Variants in ZMAT4 observed in about 807,000 individuals in gnomAD.
ZMAT4 encodes the protein zinc finger matrin-type protein 4.
Under a neutral mutation model 28.7 loss-of-function variants are expected in ZMAT4, and 17 were observed. That is an observed-to-expected ratio of 0.59 (90% confidence interval 0.41 to 0.89). ZMAT4 has a LOEUF of 0.89. Among genes scored for constraint, ZMAT4 ranks in the 40% least tolerant of loss-of-function variants. The pLI is 0.00. For synonymous variants in ZMAT4, 117 were observed against 109.2 expected (o/e 1.07, Z -0.44); for missense variants, 240 against 283.8 (o/e 0.85, Z 1.11).
chr8:40,844,331 A>T (rs1563522101), intron 1 of ZMAT4, among the ~76,000 whole-genome samples: 1 of 152,158 alleles, frequency 6.6e-6, no homozygotes, highest in Non-Finnish European at 1.5e-5. Flanking sequence ...CACCTCCACC[A>T]ATGAGGATGG....
At chr8:40,593,944 A>T (rs1804996000) in intron 5 of ZMAT4, among the ~76,000 whole-genome samples, 1 of 152,206 alleles carries the variant, frequency 6.6e-6, no homozygotes, top group Non-Finnish European at 1.5e-5. Context: ...TGTTGGGTTA[A>T]GTCCTGGTTG....
chr8:40,711,289 A>C (rs1391590851), intron 3 of ZMAT4, among the ~76,000 whole-genome samples: 1 of 152,202 alleles, frequency 6.6e-6, no homozygotes, highest in African/African-American at 2.4e-5. Flanking sequence ...AAATTATTCC[A>C]ATTAATCAAT....
chr8:40,832,932 T>C (rs1586135935), intron 1 of ZMAT4, among the ~76,000 whole-genome samples: 1 of 152,200 alleles, frequency 6.6e-6, no homozygotes. Context: ...TTTGAGTTTT[T>C]ATTCCCTGAA....
At chr8:40,824,756 GAAAGAAAGA>G (rs1293788632) in intron 2 of ZMAT4, among the ~76,000 whole-genome samples, 2 of 150,740 alleles carry the variant, frequency 1.3e-5, no homozygotes, top group Non-Finnish European at 3.0e-5. Flanking sequence ...AAGAAAAAAA[GAAAGAAAGA>G]AAAGAAAGAA....
At chr8:40,784,663 A>G (rs1475550416) in intron 2 of ZMAT4, among the ~76,000 whole-genome samples, 3 of 152,150 alleles carry the variant, frequency 2.0e-5, no homozygotes, top group East Asian at 3.9e-4. Context: ...TAGACCCTTA[A>G]AACTCAGAGT....
chr8:40,605,745 A>G (rs1805557285), intron 5 of ZMAT4, among the ~76,000 whole-genome samples: 1 of 152,064 alleles, frequency 6.6e-6, no homozygotes, highest in South Asian at 2.1e-4. Context: ...TAACCTGTCA[A>G]GTGCTGTCAG....
chr8:40,674,364 T>C (rs1808818754), intron 5 of ZMAT4: 3 of 201,560 alleles, frequency 1.5e-5, no homozygotes, highest in Middle Eastern at 2.0e-3. Flanking sequence ...ATTCAGCATC[T>C]TTTTTTTCTT....
intron 3 of ZMAT4, among the ~76,000 whole-genome samples, chr8:40,732,988 G>GGC (rs1470700114): frequency 6.6e-6 from 1 of 151,826 alleles, no homozygotes; most frequent in Non-Finnish European, 1.5e-5. Context: ...TGGGTTGACA[G>GGC]GCACAGGCCA....
At chr8:40,680,726 A>AC (rs1381213400) in intron 4 of ZMAT4, among the ~76,000 whole-genome samples, 1 of 151,536 alleles carries the variant, frequency 6.6e-6, no homozygotes, top group Admixed American at 6.6e-5. Flanking sequence ...ACACACACAC[A>AC]CACACATATA....
chr8:40,709,880 T>TA (rs887614327), intron 3 of ZMAT4, among the ~76,000 whole-genome samples: 30 of 151,234 alleles, frequency 2.0e-4, no homozygotes, highest in Non-Finnish European at 3.0e-4. Context: ...CTACTAAAAA[T>TA]AAAAAAAATT....
chr8:40,671,082 A>G (rs907170283), intron 5 of ZMAT4, among the ~76,000 whole-genome samples: 6 of 136,726 alleles, frequency 4.4e-5, no homozygotes, highest in Non-Finnish European at 9.8e-5. Context: ...AAAAAAAAAA[A>G]GTACTTGACA....
At chr8:40,653,661 C>T (rs1412500934) in intron 5 of ZMAT4, among the ~76,000 whole-genome samples, 7 of 151,934 alleles carry the variant, frequency 4.6e-5, no homozygotes, top group African/African-American at 1.7e-4. Flanking sequence ...AATAAGACAA[C>T]CTACTTAAAA....
intron 6 of ZMAT4, among the ~76,000 whole-genome samples, chr8:40,554,452 A>G (rs1457517373): frequency 6.6e-6 from 1 of 152,148 alleles, no homozygotes; most frequent in Non-Finnish European, 1.5e-5. Context: ...ACTAGATATA[A>G]ACTTCTGTCC....
At chr8:40,539,099 C>G (rs527302803) in intron 6 of ZMAT4, among the ~76,000 whole-genome samples, 2 of 152,094 alleles carry the variant, frequency 1.3e-5, no homozygotes, top group African/African-American at 4.8e-5. Context: ...TTGCATTTTT[C>G]TAAGTGCTTT....
chr8:40,779,125 C>T (rs970957578), intron 2 of ZMAT4, among the ~76,000 whole-genome samples: 3 of 151,938 alleles, frequency 2.0e-5, no homozygotes, highest in Non-Finnish European at 4.4e-5. Flanking sequence ...GGTGCAGTTT[C>T]CCCAAATACT....
intron 6 of ZMAT4, among the ~76,000 whole-genome samples, chr8:40,578,971 G>A (rs1315426235): frequency 6.6e-6 from 1 of 152,160 alleles, no homozygotes; most frequent in African/African-American, 2.4e-5. Flanking sequence ...GATCAGTGCT[G>A]GCTCTGCCAT....
chr8:40,821,295 C>T (rs1450110268), intron 2 of ZMAT4, among the ~76,000 whole-genome samples: 6 of 152,138 alleles, frequency 3.9e-5, no homozygotes, highest in Admixed American at 1.3e-4. Flanking sequence ...ACCCCCGTAA[C>T]GCTTAGGCCC....
chr8:40,882,247 T>C (rs1479443220), intron 1 of ZMAT4, among the ~76,000 whole-genome samples: 1 of 152,178 alleles, frequency 6.6e-6, no homozygotes. Context: ...ATGAGAAATC[T>C]ATGTTTCTGC....
chr8:40,587,778 A>G (rs527478587), intron 5 of ZMAT4, among the ~76,000 whole-genome samples: 1 of 152,210 alleles, frequency 6.6e-6, no homozygotes, highest in East Asian at 1.9e-4. Context: ...ATTAATATTT[A>G]CATTACATAT....
Sources: allele counts gnomAD v4.1 joint callset (sites outside exome capture counted in the v4.1 genomes callset), GRCh38; gene constraint gnomAD v4.1.1; transcripts MANE v1.5; gene names NCBI Gene and HGNC (gene_info 2026-07-23, HGNC 2026-07-21).